The following ABCD2 variants were observed in gnomAD, a reference collection of about 807,000 sequenced individuals.
The protein encoded by ABCD2 is ATP binding cassette subfamily D member 2.
Under a neutral mutation model 70.9 loss-of-function variants are expected in ABCD2, and 36 were observed. The observed-to-expected ratio is 0.51, with a 90% CI of 0.39 to 0.67. The LOEUF (loss-of-function observed/expected upper bound fraction) is 0.67. Among genes scored for constraint, ABCD2 ranks in the 30% least tolerant of loss-of-function variants. The pLI is 0.00. For synonymous variants in ABCD2, 304 were observed against 306.9 expected (o/e 0.99, Z 0.10); for missense variants, 729 against 890.2 (o/e 0.82, Z 2.30).
At chr12:39,534,344 G>T in the ABCD2 span, among the ~76,000 whole-genome samples, 1 of 152,158 alleles carries the variant, frequency 6.6e-6, no homozygotes. Flanking sequence ...ATTGACTTTG[G>T]AATCAAATCC....
chr12:39,572,989 A>G (rs879592394), intron 9 of ABCD2, among the ~76,000 whole-genome samples: 3 of 152,126 alleles, frequency 2.0e-5, no homozygotes, highest in Non-Finnish European at 4.4e-5. Context: ...GTGCTGTAGT[A>G]CAGAGTATGT....
chr12:39,566,090 C>T (rs1941342239), intron 9 of ABCD2, among the ~76,000 whole-genome samples: 1 of 152,100 alleles, frequency 6.6e-6, no homozygotes, highest in South Asian at 2.1e-4. Context: ...CTAAAATTCT[C>T]TTTTTTTGTT....
At chr12:39,554,801 A>G (rs1224697494) in intron 9 of ABCD2, among the ~76,000 whole-genome samples, 1 of 152,150 alleles carries the variant, frequency 6.6e-6, no homozygotes, top group East Asian at 1.9e-4. Flanking sequence ...TGAGGTCACC[A>G]TTCTGTCGGC....
Position 39,619,126 on chromosome 12 carries a change from T to C in ABCD2, c.490A>G (p.Ile164Val). 5 of 1,614,240 alleles carry C rather than the reference T, an allele frequency of 3.1e-6. No individual in the cohort carries two copies. Among genetic ancestry groups the C allele is most frequent in the African/African-American group, 1.3e-5 (1 of 75,066 alleles). Residue 164 changes from isoleucine (I) to valine (V), a missense_variant, in exon 1 of 10, where the codon ATA becomes GTA. Ile to Val is a conservative substitution (Grantham distance 29, BLOSUM62 3). Around this residue, in one of 3 missense-constraint regions of ABCD2, gnomAD observed 245 missense variants for 261.2 expected, o/e 0.94. Transcript: ENST00000308666. ...AIPATFVNSA[I>V]RYLECKLALA... ...GCCAATTTGCATTCCAGGTACCTTA[T>C]TGCACTGTTGACGAAGGTAGCAGGG...
intron 9 of ABCD2, among the ~76,000 whole-genome samples, chr12:39,565,920 C>T (rs1397282291): frequency 1.3e-5 from 2 of 152,142 alleles, no homozygotes; most frequent in East Asian, 1.9e-4. Flanking sequence ...TGTTTACATG[C>T]TGGATTACAT....
At chr12:39,569,781 A>T (rs1941420729) in intron 9 of ABCD2, among the ~76,000 whole-genome samples, 1 of 152,164 alleles carries the variant, frequency 6.6e-6, no homozygotes, top group Admixed American at 6.5e-5. Context: ...TCCCCCAGAT[A>T]ACATGTTCTT....
chr12:39,569,189 T>A (rs1941407829), intron 9 of ABCD2, among the ~76,000 whole-genome samples: 1 of 152,238 alleles, frequency 6.6e-6, no homozygotes. Context: ...CAGAGTATTC[T>A]GCTGCCTTTT....
intron 6 of ABCD2, among the ~76,000 whole-genome samples, chr12:39,600,331 A>G (rs1200711327): frequency 1.3e-5 from 2 of 152,178 alleles, no homozygotes; most frequent in Admixed American, 6.5e-5. Context: ...TAACATCTGC[A>G]GTCTTTGAGT....
chr12:39,573,099 A>G (rs2120591742), intron 9 of ABCD2, among the ~76,000 whole-genome samples: 1 of 152,274 alleles, frequency 6.6e-6, no homozygotes, highest in South Asian at 2.1e-4. Flanking sequence ...TGAGGCTTAA[A>G]TAAGATGTAC....
At chr12:39,617,208 T>C in intron 1 of ABCD2, 40 bp from the exon 2 acceptor site, 1 of 1,361,460 alleles carries the variant, frequency 7.3e-7, no homozygotes, top group Non-Finnish European at 9.8e-7. Flanking sequence ...TTTTTAAAGA[T>C]ATATACATAT....
chr12:39,563,645 C>G (rs1219952118), intron 9 of ABCD2, among the ~76,000 whole-genome samples: 3 of 151,968 alleles, frequency 2.0e-5, no homozygotes, highest in Non-Finnish European at 4.4e-5. Context: ...TTTAATTATA[C>G]TTTAAGTTTT....
intron 5 of ABCD2, among the ~76,000 whole-genome samples, chr12:39,602,127 TTTTATTTATTTATTTATTTA>T (rs78767678): frequency 4.8e-5 from 7 of 145,304 alleles, no homozygotes; most frequent in Non-Finnish European, 9.0e-5. Context: ...TTTTTAAAAA[TTTTATTTATTTATTTATTTA>T]TTTATTTATT....
At chr12:39,602,147 AT>A (rs1941907699) in intron 5 of ABCD2, among the ~76,000 whole-genome samples, 1 of 148,614 alleles carries the variant, frequency 6.7e-6, no homozygotes, top group South Asian at 2.1e-4. Context: ...TTATTTATTT[AT>A]TTATTTATTT....
intron 4 of ABCD2, 140 bp from the exon 5 acceptor site, chr12:39,604,146 T>C: frequency 3.1e-6 from 2 of 642,484 alleles, no homozygotes; most frequent in Non-Finnish European, 5.2e-6. Flanking sequence ...AATGTAAATA[T>C]AGATATCCAG....
chr12:39,569,563 C>T (rs906138253), intron 9 of ABCD2, among the ~76,000 whole-genome samples: 5 of 152,176 alleles, frequency 3.3e-5, no homozygotes, highest in African/African-American at 1.2e-4. Flanking sequence ...TCCCTGACCC[C>T]TTGTGCATCC....
downstream of ABCD2, among the ~76,000 whole-genome samples, chr12:39,548,666 AAATTT>A (rs1185921315): frequency 1.3e-5 from 2 of 151,624 alleles, no homozygotes; most frequent in Non-Finnish European, 2.9e-5. Context: ...CATTTTAATT[AAATTT>A]AATATATTTA....
chr12:39,575,240 A>AAT (rs1941500363), intron 8 of ABCD2, among the ~76,000 whole-genome samples: 1 of 152,166 alleles, frequency 6.6e-6, no homozygotes, highest in African/African-American at 2.4e-5. Flanking sequence ...AAACAGAGAA[A>AAT]ATATACCATT....
At chr12:39,570,767 T>C (rs756123486) in intron 9 of ABCD2, among the ~76,000 whole-genome samples, 2 of 152,016 alleles carry the variant, frequency 1.3e-5, no homozygotes, top group African/African-American at 4.8e-5. Flanking sequence ...TACATCAAAC[T>C]CAAAAGCTTC....
chr12:39,586,313 C>A lies in ABCD2; in HGVS notation c.1647-16G>T, dbSNP rs1941666294. 1.2e-6 allele frequency: 2 copies of A among 1,602,882 alleles called. No individual in the cohort carries two copies. Among genetic ancestry groups the A allele is most frequent in the Admixed American group, 1.7e-5 (1 of 58,010 alleles). On this transcript the variant is annotated splice_polypyrimidine_tract_variant and intron_variant, in intron 6 of 9. Transcript: ENST00000308666. ...CATATATGGCCTTTAAAACACCAAG[C>A]ACACAAGAATCCTAGTGGAAAGTCA...
Sources: allele counts gnomAD v4.1 joint callset (sites outside exome capture counted in the v4.1 genomes callset), GRCh38; gene constraint gnomAD v4.1.1; regional missense constraint gnomAD v4.1.1; transcripts MANE v1.5; gene names NCBI Gene and HGNC (gene_info 2026-07-23, HGNC 2026-07-21).